Variants in APBA2 observed in about 807,000 individuals in gnomAD.
APBA2 encodes the protein amyloid-beta A4 precursor protein-binding family A member 2.
Under a neutral mutation model 75.0 loss-of-function variants are expected in APBA2, and 30 were observed. The ratio of observed to expected loss-of-function variants is 0.40; its 90% confidence interval spans 0.30 to 0.54. The LOEUF is 0.54. Among genes scored for constraint, APBA2 ranks in the 20% least tolerant of loss-of-function variants. The pLI, the probability that APBA2 is intolerant of heterozygous loss-of-function variation, is 0.49. For synonymous variants in APBA2, 444 were observed against 409.6 expected, an observed-to-expected ratio of 1.08 and a Z score of -1.01; for missense variants, 801 against 1,016.1, an observed-to-expected ratio of 0.79 and a Z score of 2.88.
Position 29,047,616 on chromosome 15 carries a change from A to G in APBA2, c.-40-6229A>G, listed in dbSNP as rs74007057. Among the ~76,000 whole-genome samples, 919 of 152,294 alleles carry G rather than the reference A, an allele frequency of 6.0e-3. 7 individuals are homozygous for G. The highest frequency in any genetic ancestry group is 0.021 in the African/African-American group (883 of 41,566). On this transcript the variant is annotated intron_variant, in intron 3 of 14. Transcript: ENST00000683413. ...GCCATCGTAAAGTGAAAGCATTTTC[A>G]TTGCAATGAGGAATAAGTCAAGGGT... is the stretch of plus-strand genomic sequence containing the variant.
chr15:28,923,347 T>C (rs1337475400), intron 2 of APBA2, among the ~76,000 whole-genome samples: 1 of 152,144 alleles, frequency 6.6e-6, no homozygotes, highest in Admixed American at 6.5e-5. Flanking sequence ...TCTTCTGTTG[T>C]GGTCAAGATG....
Position 29,090,982 on chromosome 15 carries a change from C to T in APBA2, c.1070-2093C>T, listed in dbSNP as rs555013986. ...ATGTGCACACTTCACTCTGAAGAAG[C>T]GCCAGGGTATGGTGGGGGTACTGCA... On this transcript the variant is annotated intron_variant, in intron 6 of 14. Coordinates refer to ENST00000683413, the MANE Select transcript of APBA2 (RefSeq NM_001353788.2). Among the ~76,000 whole-genome samples the T allele has an allele frequency of 9.9e-5, 15 of 152,238 alleles. No individual in the cohort carries two copies. In the South Asian group the frequency reaches 2.5e-3, roughly 25 times the overall value.
At chr15:28,934,257 G>C (rs1207042902) in intron 2 of APBA2, among the ~76,000 whole-genome samples, 1 of 152,134 alleles carries the variant, frequency 6.6e-6, no homozygotes, top group Non-Finnish European at 1.5e-5. Context: ...GTATGATTGT[G>C]AGTGTGGGGA....
At chr15:29,102,289 A>G (rs1292700297) in intron 10 of APBA2, 1 of 208,460 alleles carries the variant, frequency 4.8e-6, no homozygotes, top group African/African-American at 2.4e-5. Flanking sequence ...TGGCTGGAGA[A>G]GAGTGTTGTT....
intron 1 of APBA2, among the ~76,000 whole-genome samples, chr15:28,914,486 C>T (rs1367782497): frequency 2.5e-3 from 374 of 152,178 alleles, no homozygotes; most frequent in African/African-American, 8.3e-3. Context: ...TCTTCTGTGA[C>T]GCCCATGGGG....
chr15:28,926,637 C>A (rs2034275910), intron 2 of APBA2, among the ~76,000 whole-genome samples: 1 of 151,934 alleles, frequency 6.6e-6, no homozygotes, highest in Non-Finnish European at 1.5e-5. Context: ...TTATGTAGAT[C>A]CAAGTTTTCA....
At chr15:28,889,442 A>G (rs756772462) in intron 1 of APBA2, among the ~76,000 whole-genome samples, 4 of 152,178 alleles carry the variant, frequency 2.6e-5, no homozygotes, top group Admixed American at 6.5e-5. Context: ...GTGTGTCACC[A>G]TTGCCCAGGC....
chr15:28,920,762 G>C (rs2033930511), intron 1 of APBA2, among the ~76,000 whole-genome samples: 1 of 152,240 alleles, frequency 6.6e-6, no homozygotes, highest in Non-Finnish European at 1.5e-5. Context: ...GAAGATGAGG[G>C]TGAGAGGGGT....
chr15:29,055,689 G>C (rs1306722992), intron 4 of APBA2, among the ~76,000 whole-genome samples: 1 of 151,716 alleles, frequency 6.6e-6, no homozygotes, highest in Non-Finnish European at 1.5e-5. Flanking sequence ...GTGTGTGTGT[G>C]TGTGTGTGTG....
chr15:28,968,398 C>A (rs149392943), intron 2 of APBA2, among the ~76,000 whole-genome samples: 1 of 152,310 alleles, frequency 6.6e-6, no homozygotes, highest in Non-Finnish European at 1.5e-5. Flanking sequence ...CTTACAAACA[C>A]GTGTGGAAGA....
chr15:29,103,512 C>T (rs1431540907), intron 10 of APBA2, among the ~76,000 whole-genome samples: 1 of 152,234 alleles, frequency 6.6e-6, no homozygotes. Context: ...CCCCACACCT[C>T]CCAGGAGGCA....
intron 3 of APBA2, among the ~76,000 whole-genome samples, chr15:29,033,633 A>G (rs1041778229): frequency 4.6e-5 from 7 of 152,144 alleles, no homozygotes; most frequent in Admixed American, 1.3e-4. Flanking sequence ...CAGTTTCATT[A>G]TAGCAAAAAT....
intron 2 of APBA2, among the ~76,000 whole-genome samples, chr15:28,943,970 A>C (rs2035390336): frequency 5.3e-5 from 8 of 150,858 alleles, no homozygotes; most frequent in Admixed American, 4.6e-4. Flanking sequence ...ATGCTCCCCA[A>C]CTCCCTACTG....
chr15:29,116,626 T>G (rs539666038), intron 14 of APBA2, among the ~76,000 whole-genome samples: 11 of 131,374 alleles, frequency 8.4e-5, no homozygotes, highest in Non-Finnish European at 1.6e-4. Flanking sequence ...AGACTCCGTC[T>G]CAAAAAAAAA....
chr15:29,005,975 T>C (rs1269880934), intron 3 of APBA2, among the ~76,000 whole-genome samples: 1 of 152,224 alleles, frequency 6.6e-6, no homozygotes, highest in Non-Finnish European at 1.5e-5. Flanking sequence ...GCCAACAGCA[T>C]ACCCAGTGGT....
At chr15:29,059,182 A>G (rs1039792721) in intron 4 of APBA2, among the ~76,000 whole-genome samples, 1 of 151,990 alleles carries the variant, frequency 6.6e-6, no homozygotes, top group Admixed American at 6.5e-5. Context: ...TTCTTTTCAC[A>G]ATCTATTTAA....
In APBA2 at chr15:29,046,678, C is replaced by T. The variant is rs776831405; in HGVS notation, c.-40-7167C>T. ...AACCTTGGAATCTTGGGCCATGAAC[C>T]TGCACACTCTCCAGGTGGGCCTTGT... is the stretch of plus-strand genomic sequence containing the variant. On this transcript the variant is annotated intron_variant, in intron 3 of 14. Coordinates refer to ENST00000683413, the MANE Select transcript of APBA2 (RefSeq NM_001353788.2). This position sits in a 1 kb window ranked among gnomAD's most constrained non-coding sequence, Gnocchi z 5.0. Among the ~76,000 whole-genome samples, 1 of 152,252 alleles carries T rather than the reference C, an allele frequency of 6.6e-6. No homozygotes were observed. The highest frequency in any genetic ancestry group is 2.4e-5 in the African/African-American group (1 of 41,474).
At chr15:28,920,429 A>G (rs2152668641) in intron 1 of APBA2, among the ~76,000 whole-genome samples, 1 of 152,322 alleles carries the variant, frequency 6.6e-6, no homozygotes, top group South Asian at 2.1e-4. Context: ...CTTGTCATGC[A>G]GAACTGTGCC....
At position 28,889,241 on chromosome 15, in the gene APBA2, C is replaced by T. The variant is rs150658555; in HGVS notation, c.-205+2963C>T. 1.9e-3 allele frequency among the ~76,000 whole-genome samples: 294 copies of T among 152,300 alleles called. 1 individual carries two copies. Among genetic ancestry groups the T allele is most frequent in the African/African-American group, 6.9e-3 (286 of 41,558 alleles). The stretch of plus-strand genomic sequence containing the variant: ...CCTGAAGCCAATCTTCCCCTCTCTC[C>T]CTGTCCAGACACACAAGGGAGCCCT... On this transcript the variant is annotated intron_variant, in intron 1 of 14. Transcript: ENST00000683413.
Sources: allele counts gnomAD v4.1 joint callset (sites outside exome capture counted in the v4.1 genomes callset), GRCh38; gene constraint gnomAD v4.1.1; non-coding constraint Gnocchi (gnomAD v3.1); transcripts MANE v1.5; gene names NCBI Gene and HGNC (gene_info 2026-07-23, HGNC 2026-07-21).